DCC: variants seen among roughly 807,000 people sequenced by gnomAD.
DCC encodes the protein DCC netrin 1 receptor, also known as netrin receptor DCC.
Under a neutral mutation model 172.5 loss-of-function variants are expected in DCC, and 58 were observed. The ratio of observed to expected loss-of-function variants is 0.34; its 90% confidence interval spans 0.27 to 0.42. DCC has a LOEUF of 0.42. Among genes scored for constraint, DCC ranks in the 10% least tolerant of loss-of-function variants. The probability of loss-of-function intolerance (pLI) is 1.00; values close to 1 mark genes in which losing one functional copy is unlikely to be tolerated. For missense variants in DCC, 1,740 were observed against 1,791.0 expected (o/e 0.97, Z 0.51); for synonymous variants, 709 against 644.5 (o/e 1.10, Z -1.52).
chr18:53,228,472 T>C (rs1568378341), intron 12 of DCC, among the ~76,000 whole-genome samples: 1 of 152,096 alleles, frequency 6.6e-6, no homozygotes, highest in Non-Finnish European at 1.5e-5. Flanking sequence ...TCTTCCAAAT[T>C]ATTTGTCAGC....
chr18:53,337,423 A>G (rs1278527378), intron 14 of DCC, among the ~76,000 whole-genome samples: 1 of 152,260 alleles, frequency 6.6e-6, no homozygotes, highest in Non-Finnish European at 1.5e-5. Flanking sequence ...AGACTGTGGC[A>G]GTAGGGTTGA....
intron 17 of DCC, among the ~76,000 whole-genome samples, chr18:53,396,457 G>A (rs929974188): frequency 2.0e-5 from 3 of 152,126 alleles, no homozygotes; most frequent in Non-Finnish European, 4.4e-5. Context: ...AAAAGACAAA[G>A]AATGAATTCA....
At chr18:52,700,802 C>G (rs2036111777) in intron 1 of DCC, among the ~76,000 whole-genome samples, 1 of 152,156 alleles carries the variant, frequency 6.6e-6, no homozygotes, top group Non-Finnish European at 1.5e-5. Flanking sequence ...AATGAAAGCA[C>G]TTTAGGAATC....
At chr18:52,647,879 G>T (rs1350674858) in intron 1 of DCC, among the ~76,000 whole-genome samples, 2 of 152,106 alleles carry the variant, frequency 1.3e-5, no homozygotes, top group Non-Finnish European at 2.9e-5. Context: ...TGGGAAAAGG[G>T]GGAACACGGC....
intron 7 of DCC, among the ~76,000 whole-genome samples, chr18:53,115,721 A>G (rs1445138758): frequency 6.6e-6 from 1 of 151,650 alleles, no homozygotes; most frequent in Non-Finnish European, 1.5e-5. Context: ...TAGGATTCTC[A>G]TTCATTTAAT....
At chr18:52,505,530 T>C (rs1445889680) in intron 1 of DCC, among the ~76,000 whole-genome samples, 1 of 152,138 alleles carries the variant, frequency 6.6e-6, no homozygotes, top group East Asian at 1.9e-4. Flanking sequence ...AAAGAAGTTA[T>C]ATATATATAC....
At chr18:52,492,191 T>G (rs780398357) in intron 1 of DCC, among the ~76,000 whole-genome samples, 4 of 151,970 alleles carry the variant, frequency 2.6e-5, no homozygotes, top group Admixed American at 6.6e-5. Flanking sequence ...ACATCTTGAT[T>G]GCCTTGATAA....
intron 5 of DCC, among the ~76,000 whole-genome samples, 163 bp downstream of exon 5, chr18:52,925,533 G>A (rs1022286104): frequency 6.6e-6 from 1 of 151,794 alleles, no homozygotes; most frequent in Non-Finnish European, 1.5e-5. Context: ...AATTGCATAG[G>A]GGTTATATGC....
chr18:52,942,962 G>A (rs1015600987), intron 5 of DCC, among the ~76,000 whole-genome samples: 1 of 152,172 alleles, frequency 6.6e-6, no homozygotes, highest in Non-Finnish European at 1.5e-5. Context: ...AAAGTTGTAT[G>A]AAGATTTTAA....
At chr18:52,360,151 A>AT (rs2144267261) in intron 1 of DCC, among the ~76,000 whole-genome samples, 1 of 152,260 alleles carries the variant, frequency 6.6e-6, no homozygotes, top group Admixed American at 6.5e-5. Context: ...TCCTCTCTAA[A>AT]AGAGGGATCT....
chr18:52,440,241 G>C (rs1987933156), intron 1 of DCC, among the ~76,000 whole-genome samples: 1 of 152,124 alleles, frequency 6.6e-6, no homozygotes. Flanking sequence ...AATTCCATCT[G>C]AGTAATCTGC....
chr18:53,264,286 A>G (rs1433641435), intron 12 of DCC, among the ~76,000 whole-genome samples: 2 of 152,038 alleles, frequency 1.3e-5, no homozygotes, highest in Non-Finnish European at 2.9e-5. Flanking sequence ...CAGGAGTTCA[A>G]GACCAGCCTG....
At chr18:52,604,661 T>C (rs2034094994) in intron 1 of DCC, among the ~76,000 whole-genome samples, 1 of 152,178 alleles carries the variant, frequency 6.6e-6, no homozygotes. Flanking sequence ...ACACATAGTA[T>C]GTCCATTTCT....
intron 6 of DCC, 75 bp downstream of exon 6, chr18:53,063,534 TG>T (rs2144081391): frequency 8.3e-7 from 1 of 1,210,788 alleles, no homozygotes; most frequent in Non-Finnish European, 1.2e-6. Flanking sequence ...TTTTATTTCT[TG>T]AAAAAAAAAA....
chr18:53,014,011 G>A (rs1025349490), intron 5 of DCC, among the ~76,000 whole-genome samples: 3 of 152,088 alleles, frequency 2.0e-5, no homozygotes, highest in Non-Finnish European at 2.9e-5. Context: ...TAATGAAATG[G>A]ATACTATTTT....
At chr18:53,073,931 A>G (rs1280747817) in intron 7 of DCC, among the ~76,000 whole-genome samples, 5 of 151,528 alleles carry the variant, frequency 3.3e-5, no homozygotes, top group Admixed American at 2.0e-4. Context: ...CATTATAATT[A>G]TAGTGTTTCC....
At chr18:53,195,485 T>C (rs1482210491) in intron 9 of DCC, among the ~76,000 whole-genome samples, 1 of 152,166 alleles carries the variant, frequency 6.6e-6, no homozygotes, top group African/African-American at 2.4e-5. Flanking sequence ...TGGGGAAAAA[T>C]GTGGTTTCCT....
intron 27 of DCC, among the ~76,000 whole-genome samples, chr18:53,525,101 CA>C (rs1321356783): frequency 6.6e-6 from 1 of 152,022 alleles, no homozygotes; most frequent in African/African-American, 2.4e-5. Flanking sequence ...ACTTTAAATA[CA>C]TAATCTCATT....
At chr18:52,944,569 G>A (rs552936233) in intron 5 of DCC, among the ~76,000 whole-genome samples, 89 of 152,300 alleles carry the variant, frequency 5.8e-4, no homozygotes, top group Non-Finnish European at 1.1e-3. Flanking sequence ...GGTAAAAAAT[G>A]TATTAAAAAG....
Sources: allele counts gnomAD v4.1 joint callset (sites outside exome capture counted in the v4.1 genomes callset), GRCh38; gene constraint gnomAD v4.1.1; transcripts MANE v1.5; gene names NCBI Gene and HGNC (gene_info 2026-07-23, HGNC 2026-07-21).